SYNJ1: variants seen among roughly 807,000 people sequenced by gnomAD.
SYNJ1 encodes the protein polyphosphatidylinositol phosphatase SYNJ1.
A neutral mutation model predicts 168.2 loss-of-function variants in SYNJ1; 78 were observed. The ratio of observed to expected loss-of-function variants is 0.46; its 90% confidence interval spans 0.39 to 0.56. The LOEUF (loss-of-function observed/expected upper bound fraction) is 0.56, where lower values mean the gene tolerates loss of function less well. Among genes scored for constraint, SYNJ1 ranks in the 20% least tolerant of loss-of-function variants. SYNJ1 has a pLI of 0.00. For missense variants in SYNJ1, 1,303 were observed against 1,597.6 expected, an observed-to-expected ratio of 0.82 and a Z score of 3.14; for synonymous variants, 539 against 548.6, an observed-to-expected ratio of 0.98 and a Z score of 0.24.
At chr21:32,689,390 G>A (rs1217819678) in intron 6 of SYNJ1, among the ~76,000 whole-genome samples, 2 of 152,142 alleles carry the variant, frequency 1.3e-5, no homozygotes, top group African/African-American at 2.4e-5. Flanking sequence ...TCTGCCTCCC[G>A]GGTTCAGGCG....
intron 23 of SYNJ1, among the ~76,000 whole-genome samples, chr21:32,649,642 A>G (rs1449485340): frequency 6.6e-6 from 1 of 152,262 alleles, no homozygotes; most frequent in African/African-American, 2.4e-5. Context: ...TATTTATCCA[A>G]TAAGAATATA....
chr21:32,644,499 T>C (rs906073420), intron 26 of SYNJ1, among the ~76,000 whole-genome samples: 2 of 152,262 alleles, frequency 1.3e-5, no homozygotes, highest in Non-Finnish European at 2.9e-5. Context: ...TTGTCAAATG[T>C]ATAACTCCAA....
In SYNJ1 at chr21:32,638,590, A is replaced by G. The variant is rs1460414757; in HGVS notation, c.3915+318T>C. Among the ~76,000 whole-genome samples, 3 of 152,136 alleles carry G rather than the reference A, an allele frequency of 2.0e-5. No individual in the cohort carries two copies. The East Asian group carries it at 5.8e-4, about 30-fold the overall frequency. On this transcript the variant is annotated intron_variant, in intron 31 of 32. Coordinates refer to ENST00000674351, the MANE Select transcript of SYNJ1 (RefSeq NM_203446.3). ...CAGGCACCTGTAATCCCAGCTACTC[A>G]GGAGGCTGAGGCAGGAGAATCGCTT...
intron 21 of SYNJ1, among the ~76,000 whole-genome samples, chr21:32,655,501 T>C (rs144640698): frequency 1.3e-5 from 2 of 152,332 alleles, no homozygotes; most frequent in East Asian, 3.9e-4. Flanking sequence ...CTGAAAGGAC[T>C]TGAGGTGTCT....
intron 2 of SYNJ1, among the ~76,000 whole-genome samples, chr21:32,726,254 TTTAAA>T (rs1177984585): frequency 2.0e-5 from 3 of 152,248 alleles, no homozygotes; most frequent in African/African-American, 4.8e-5. Context: ...AGTCCTTTTC[TTTAAA>T]TTAGACTATC....
chr21:32,651,760 T>C (rs1366191586), intron 22 of SYNJ1, among the ~76,000 whole-genome samples: 2 of 152,326 alleles, frequency 1.3e-5, no homozygotes, highest in South Asian at 2.1e-4. Context: ...CACTGGAATA[T>C]TGGCTTTAAT....
At chr21:32,648,414 T>C (rs187003981) in intron 23 of SYNJ1, among the ~76,000 whole-genome samples, 2 of 152,320 alleles carry the variant, frequency 1.3e-5, no homozygotes, top group East Asian at 3.9e-4. Flanking sequence ...ACAGCTTCCC[T>C]TCCTGTTATT....
chr21:32,652,516 AT>A (rs2040310368), intron 22 of SYNJ1, among the ~76,000 whole-genome samples: 2 of 152,098 alleles, frequency 1.3e-5, no homozygotes, highest in African/African-American at 4.8e-5. Flanking sequence ...CATACAAAGA[AT>A]TTTTTTTCTC....
At chr21:32,643,207 T>C (rs966246997) in intron 27 of SYNJ1, among the ~76,000 whole-genome samples, 1 of 151,944 alleles carries the variant, frequency 6.6e-6, no homozygotes, top group Admixed American at 6.6e-5. Flanking sequence ...GGAAATTAAA[T>C]GGATATCCAT....
chr21:32,705,878 T>G (rs1467891093), intron 2 of SYNJ1, among the ~76,000 whole-genome samples: 1 of 152,054 alleles, frequency 6.6e-6, no homozygotes, highest in Non-Finnish European at 1.5e-5. Flanking sequence ...TCCCAACTAC[T>G]CAGGAGGCTG....
At chr21:32,651,192 C>T (rs2040258085) in intron 22 of SYNJ1, among the ~76,000 whole-genome samples, 1 of 152,214 alleles carries the variant, frequency 6.6e-6, no homozygotes, top group African/African-American at 2.4e-5. Flanking sequence ...TAATCTCTCT[C>T]CCACATAGTT....
chr21:32,685,627 A>G (rs1482594524), intron 9 of SYNJ1, 121 bp downstream of exon 9: 2 of 614,074 alleles, frequency 3.3e-6, no homozygotes, highest in Non-Finnish European at 4.5e-6. Context: ...ATAAAATGAA[A>G]TATTTAAAAG....
chr21:32,693,102 T>A (rs1003239780), intron 6 of SYNJ1, among the ~76,000 whole-genome samples: 4 of 152,124 alleles, frequency 2.6e-5, no homozygotes, highest in African/African-American at 9.6e-5. Context: ...AAAAACAGTG[T>A]ACCATAGGGC....
At chr21:32,646,841 T>C (rs1176287224) in intron 23 of SYNJ1, among the ~76,000 whole-genome samples, 1 of 152,174 alleles carries the variant, frequency 6.6e-6, no homozygotes. Flanking sequence ...GACCAACCAC[T>C]TGGAGCTGGG....
At chr21:32,652,441 T>C (rs1037968283) in intron 22 of SYNJ1, among the ~76,000 whole-genome samples, 8 of 152,324 alleles carry the variant, frequency 5.3e-5, no homozygotes, top group African/African-American at 1.9e-4. Context: ...CCTCAGGTGA[T>C]CCACCTGTCT....
intron 15 of SYNJ1, among the ~76,000 whole-genome samples, chr21:32,667,884 A>C (rs544197420): frequency 2.4e-4 from 37 of 152,186 alleles, no homozygotes; most frequent in Admixed American, 1.8e-3. Context: ...CCACTAGAAT[A>C]CGAAGTCCAT....
rs1451034912 is a variant in SYNJ1 at position 32,665,087 on chromosome 21, T to C, written c.2146-16A>G. ...GCATCCTTCCCTGAAAGCAATGAGATAGAATTTTAAATTCAAAACAATCAA... is the reference window on the plus strand; with the variant it reads ...GCATCCTTCCCTGAAAGCAATGAGACAGAATTTTAAATTCAAAACAATCAA... On this transcript the variant is annotated splice_polypyrimidine_tract_variant and intron_variant, in intron 17 of 32. Coordinates refer to ENST00000674351, the MANE Select transcript of SYNJ1 (RefSeq NM_203446.3). The C allele has an allele frequency of 2.5e-6, 4 of 1,571,086 alleles. No individual in the cohort carries two copies. Among genetic ancestry groups the C allele is most frequent in the Non-Finnish European group, 3.5e-6 (4 of 1,156,812 alleles).
At chr21:32,643,300 A>G in intron 27 of SYNJ1, 110 bp downstream of exon 27, 1 of 1,128,398 alleles carries the variant, frequency 8.9e-7, no homozygotes, top group Non-Finnish European at 1.3e-6. Flanking sequence ...TTACAGCTGG[A>G]CCAAGAAAAG....
chr21:32,665,518 T>C (rs932997343), intron 17 of SYNJ1, among the ~76,000 whole-genome samples: 2 of 152,258 alleles, frequency 1.3e-5, no homozygotes, highest in African/African-American at 4.8e-5. Context: ...GGAAGGCTGA[T>C]CTAGGACTTA....
Sources: allele counts gnomAD v4.1 joint callset (sites outside exome capture counted in the v4.1 genomes callset), GRCh38; gene constraint gnomAD v4.1.1; transcripts MANE v1.5; gene names NCBI Gene and HGNC (gene_info 2026-07-23, HGNC 2026-07-21).